CEP192: variants seen among roughly 807,000 people sequenced by gnomAD.
The protein encoded by CEP192 is centrosomal protein of 192 kDa.
Under a neutral mutation model 271.8 loss-of-function variants are expected in CEP192, and 151 were observed. That is an observed-to-expected ratio of 0.56 (90% CI 0.49 to 0.64). The LOEUF (loss-of-function observed/expected upper bound fraction) is 0.64. Ranked by LOEUF, CEP192 falls within the 30% of genes least tolerant of loss-of-function variation. CEP192 has a pLI of 0.00. For missense variants in CEP192, 2,910 were observed against 3,020.5 expected, an observed-to-expected ratio of 0.96 and a Z score of 0.86; for synonymous variants, 995 against 1,076.5, an observed-to-expected ratio of 0.92 and a Z score of 1.48.
At chr18:13,057,334 A>C (rs1005417062) in intron 19 of CEP192, among the ~76,000 whole-genome samples, 1 of 151,944 alleles carries the variant, frequency 6.6e-6, no homozygotes, top group African/African-American at 2.4e-5. Flanking sequence ...ACCTCAAAGA[A>C]TTGATTAGCC....
In CEP192 at chr18:13,052,949, T is replaced by TCAG. The variant is rs1234476784; in HGVS notation, c.3059_3061dup (p.Gln1020dup). On this transcript the variant is annotated inframe_insertion, in exon 18 of 45. Coordinates refer to ENST00000506447, the MANE Select transcript of CEP192 (RefSeq NM_032142.4). ...CGTTAGAGTCCTTTGGTTCAGCAGCTCAGCAGCAGCAGCCTCCCTGTGAGC... is the reference window on the plus strand; with the variant it reads ...CGTTAGAGTCCTTTGGTTCAGCAGCTCAGCAGCAGCAGCAGCCTCCCTGTGAGC... The TCAG allele has an allele frequency of 4.3e-6, 7 of 1,610,954 alleles. No homozygotes were observed. The African/African-American group carries it at 8.0e-5, about 18-fold the overall frequency.
intron 38 of CEP192, among the ~76,000 whole-genome samples, chr18:13,101,432 G>C (rs1437810274): frequency 6.6e-6 from 1 of 152,124 alleles, no homozygotes; most frequent in Non-Finnish European, 1.5e-5. Flanking sequence ...CAGTAATGGT[G>C]ATATATGTAC....
chr18:13,104,764 A>G (rs2039874625), intron 39 of CEP192, among the ~76,000 whole-genome samples: 1 of 152,226 alleles, frequency 6.6e-6, no homozygotes, highest in African/African-American at 2.4e-5. Flanking sequence ...AGTGATAAAA[A>G]TCACCTTGTG....
chr18:13,072,997 T>G lies in CEP192; in HGVS notation c.5440-12T>G. ...GCTTTGTTTTATGCATTTAACTGTT[T>G]TTAAATTGTAGCTTCAGAACACTTT... On this transcript the variant is annotated splice_polypyrimidine_tract_variant and intron_variant, in intron 29 of 44. Coordinates refer to ENST00000506447, the MANE Select transcript of CEP192 (RefSeq NM_032142.4). 6.2e-7 allele frequency: 1 copy of G among 1,600,920 alleles called. No homozygotes were observed. Among genetic ancestry groups the G allele is most frequent in the Non-Finnish European group, 8.5e-7 (1 of 1,174,532 alleles).
At position 13,019,146 on chromosome 18, in the gene CEP192, T is replaced by C; in HGVS notation, c.990T>C (p.Gly330=). 1 of 1,546,066 alleles carries C rather than the reference T, an allele frequency of 6.5e-7. No homozygotes were observed. Among genetic ancestry groups the C allele is most frequent in the Non-Finnish European group, 8.7e-7 (1 of 1,144,546 alleles). The change falls in exon 9 of 45, where the codon GGT becomes GGC. Residue 330 remains glycine (G), a synonymous_variant. Transcript: ENST00000506447. ...ATGGTATGTTACCATTTTCCTCTGG[T>C]ACTTGGGGAACTGAGAAAGAAATAG... The part of the protein sequence containing the change: ...YTDGMLPFSS[G]TWGTEKEIEN...
At chr18:13,059,385 T>C in intron 21 of CEP192, 73 bp downstream of exon 21, 2 of 1,309,226 alleles carry the variant, frequency 1.5e-6, no homozygotes, top group Non-Finnish European at 2.1e-6. Flanking sequence ...GAAGTAAAAT[T>C]TGGGAAAAAG....
At chr18:13,096,387 T>C (rs1568411318) in intron 36 of CEP192, 80 bp downstream of exon 36, 3 of 1,550,592 alleles carry the variant, frequency 1.9e-6, no homozygotes, top group South Asian at 1.2e-5. Flanking sequence ...TAATATGTCA[T>C]TGTAGTTTAT....
At chr18:13,046,525 C>G (rs1034506949) in intron 15 of CEP192, among the ~76,000 whole-genome samples, 1 of 151,934 alleles carries the variant, frequency 6.6e-6, no homozygotes, top group African/African-American at 2.4e-5. Flanking sequence ...TTATATGATT[C>G]CAATTTTCTC....
intron 30 of CEP192, among the ~76,000 whole-genome samples, chr18:13,078,758 A>G (rs2038428005): frequency 6.6e-6 from 1 of 152,068 alleles, no homozygotes; most frequent in South Asian, 2.1e-4. Context: ...TACGTTAGGT[A>G]TATCTCCTAA....
intron 39 of CEP192, among the ~76,000 whole-genome samples, chr18:13,104,669 A>G (rs2039870159): frequency 6.6e-6 from 1 of 152,194 alleles, no homozygotes; most frequent in Admixed American, 6.5e-5. Flanking sequence ...TAAAATGCAC[A>G]TTCAACAGGG....
chr18:13,065,838 G>A (rs999411046), intron 21 of CEP192, among the ~76,000 whole-genome samples: 4 of 152,172 alleles, frequency 2.6e-5, no homozygotes, highest in Non-Finnish European at 4.4e-5. Context: ...GGTTGGCCTG[G>A]TGTCTTCTCT....
intron 9 of CEP192, among the ~76,000 whole-genome samples, chr18:13,021,432 G>C (rs959534832): frequency 1.3e-5 from 2 of 152,146 alleles, no homozygotes; most frequent in African/African-American, 4.8e-5. Flanking sequence ...TCATGTATGT[G>C]AGGGTTTATT....
intron 41 of CEP192, 108 bp downstream of exon 41, chr18:13,113,813 T>G (rs771875572): frequency 4.8e-6 from 5 of 1,031,668 alleles, no homozygotes; most frequent in Non-Finnish European, 6.9e-6. Flanking sequence ...CCCCATAATC[T>G]TAATTTTCTT....
intron 40 of CEP192, 121 bp downstream of exon 40, chr18:13,105,200 C>T (rs1251957530): frequency 1.1e-5 from 8 of 724,804 alleles, no homozygotes; most frequent in East Asian, 2.5e-5. Flanking sequence ...CCAGTCTGCA[C>T]ACGAGAGAAG....
intron 30 of CEP192, among the ~76,000 whole-genome samples, chr18:13,079,259 A>C (rs1339688174): frequency 1.3e-5 from 2 of 152,228 alleles, no homozygotes; most frequent in Non-Finnish European, 2.9e-5. Flanking sequence ...CCAACAGTGT[A>C]AAAGTTTTCC....
At chr18:13,056,737 T>C in intron 19 of CEP192, 39 bp downstream of exon 19, 1 of 1,471,848 alleles carries the variant, frequency 6.8e-7, no homozygotes, top group South Asian at 1.3e-5. Context: ...CTTGCTATTA[T>C]TTTCTCAAAT....
chr18:13,095,054 AG>A (rs2039326226), intron 34 of CEP192, among the ~76,000 whole-genome samples: 1 of 152,164 alleles, frequency 6.6e-6, no homozygotes, highest in Admixed American at 6.5e-5. Flanking sequence ...TTTTTTTAAA[AG>A]ACAGGGTTTC....
chr18:13,122,161 T>C (rs1040022938), intron 44 of CEP192, among the ~76,000 whole-genome samples: 1 of 152,184 alleles, frequency 6.6e-6, no homozygotes, highest in African/African-American at 2.4e-5. Flanking sequence ...CGGTGGCTCA[T>C]GCCTGTAATC....
At chr18:13,039,405 G>A (rs555566631) in intron 13 of CEP192, among the ~76,000 whole-genome samples, 3 of 150,934 alleles carry the variant, frequency 2.0e-5, no homozygotes, top group East Asian at 2.0e-4. Flanking sequence ...GCAGTGAGCC[G>A]AGATCACGCC....
Sources: gnomAD v4.1 joint callset for allele counts (sites outside exome capture counted in the v4.1 genomes callset) on GRCh38, gnomAD v4.1.1 for gene constraint, MANE v1.5 for transcripts, NCBI Gene and HGNC (gene_info 2026-07-23, HGNC 2026-07-21) for gene names.